The following MEIS1 variants were observed in gnomAD, a reference collection of about 807,000 sequenced individuals.
MEIS1 encodes the protein Meis homeobox 1, also known as homeobox protein Meis1.
Under a neutral mutation model 50.8 loss-of-function variants are expected in MEIS1, and 5 were observed. That is an observed-to-expected ratio of 0.10 (90% CI 0.05 to 0.21). The LOEUF is 0.21. MEIS1 is among the 10% of genes least tolerant of loss of function. The pLI, the probability that MEIS1 is intolerant of heterozygous loss-of-function variation, is 1.00. For missense variants in MEIS1, 318 were observed against 517.3 expected (o/e 0.61, Z 3.74); for synonymous variants, 176 against 179.3 (o/e 0.98, Z 0.15).
At chr2:66,530,653 T>C (rs1474635486) in intron 8 of MEIS1, among the ~76,000 whole-genome samples, 1 of 151,850 alleles carries the variant, frequency 6.6e-6, no homozygotes, top group African/African-American at 2.4e-5. Context: ...GAGGCGGAGC[T>C]TGCAGTGAGC....
intron 9 of MEIS1, among the ~76,000 whole-genome samples, chr2:66,559,562 T>C (rs1018101849): frequency 2.6e-5 from 4 of 152,226 alleles, no homozygotes; most frequent in Admixed American, 6.5e-5. Context: ...AAATGGTTCA[T>C]CTATTAAACT....
intron 7 of MEIS1, among the ~76,000 whole-genome samples, chr2:66,475,431 T>C (rs1333446973): frequency 6.6e-6 from 1 of 150,930 alleles, no homozygotes; most frequent in Non-Finnish European, 1.5e-5. Flanking sequence ...GTTTATAGTA[T>C]ACAATAGGAT....
intron 7 of MEIS1, among the ~76,000 whole-genome samples, chr2:66,489,552 T>G (rs894008245): frequency 2.0e-5 from 3 of 152,216 alleles, no homozygotes; most frequent in African/African-American, 7.2e-5. Flanking sequence ...GCTCTCAGGA[T>G]GTGGAATAAG....
In MEIS1 at chr2:66,553,902, C is replaced by T. The variant is rs11897073; in HGVS notation, c.965+5883C>T. Among the ~76,000 whole-genome samples the T allele has an allele frequency of 5.5e-3, 836 of 152,254 alleles. 4 individuals are homozygous for T. The highest frequency in any genetic ancestry group is 0.019 in the African/African-American group (799 of 41,552). On this transcript the variant is annotated intron_variant, in intron 9 of 12. Coordinates refer to ENST00000272369, the MANE Select transcript of MEIS1 (RefSeq NM_002398.3). ...CACTGTGCTGGCTGGAAAAACCCTG[C>T]CCCTTCCACCATGGGGCCCTAAGTC... is the stretch of plus-strand genomic sequence containing the variant.
chr2:66,435,290 GGAGAGAGAGGGAGAGAAAGAAAGA>G lies in MEIS1; in HGVS notation c.-557_-534del, dbSNP rs1002505654. The G allele has an allele frequency of 6.5e-6, 1 of 154,428 alleles. No homozygotes were observed. The highest frequency in any genetic ancestry group is 2.4e-5 in the African/African-American group (1 of 41,518). 9.6% of individuals were successfully genotyped at this position (154,428 alleles called of 1,614,324 possible). On this transcript the variant is annotated 5_prime_UTR_variant, in exon 1 of 13. Coordinates refer to ENST00000272369, the MANE Select transcript of MEIS1 (RefSeq NM_002398.3). ...CTTCCAGTGCAGCACTTGCAAAGAG[GGAGAGAGAGGGAGAGAAAGAAAGA>G]GAGAGAGAGAAGAGAGAAACTGATT...
intron 7 of MEIS1, chr2:66,508,984 G>GCTGCTGC (rs1673755544): frequency 4.2e-6 from 2 of 470,970 alleles, no homozygotes; most frequent in African/African-American, 2.0e-5. Flanking sequence ...GTGGTTCAGA[G>GCTGCTGC]CTGCTGCCTG....
At chr2:66,527,521 G>T (rs1328328619) in intron 8 of MEIS1, among the ~76,000 whole-genome samples, 1 of 151,902 alleles carries the variant, frequency 6.6e-6, no homozygotes, top group Non-Finnish European at 1.5e-5. Context: ...AGAGCTGGGG[G>T]CCCCTGTGTA....
At chr2:66,570,282 T>G (rs1675451682) in intron 12 of MEIS1, 1 of 152,220 alleles carries the variant, frequency 6.6e-6, no homozygotes, top group Non-Finnish European at 1.5e-5. Flanking sequence ...TAAATATTGT[T>G]TCTTAGTTTC....
rs149014771 is a variant in MEIS1, at chr2:66,443,167, A to C, written c.630+119A>C. ...ATATGATTAAGTCCCTTTTAGATACATTTCCATCGAAATGAAAATTTTTGA... is the reference window on the plus strand; with the variant it reads ...ATATGATTAAGTCCCTTTTAGATACCTTTCCATCGAAATGAAAATTTTTGA... On this transcript the variant is annotated intron_variant, in intron 6 of 12. Coordinates refer to ENST00000272369, the MANE Select transcript of MEIS1 (RefSeq NM_002398.3). 2.4e-4 allele frequency: 286 copies of C among 1,180,836 alleles called. 5 individuals carry two copies. In the East Asian group the frequency reaches 6.8e-3, roughly 28 times the overall value. 73.1% of individuals were successfully genotyped at this position (1,180,836 alleles called of 1,614,324 possible). A position where few individuals can be genotyped will look rare whatever the true frequency, so the allele number is the denominator to read the frequency against.
intron 9 of MEIS1, among the ~76,000 whole-genome samples, chr2:66,560,640 A>C (rs992509635): frequency 6.6e-6 from 1 of 152,002 alleles, no homozygotes; most frequent in Non-Finnish European, 1.5e-5. Context: ...TACCTTCCTC[A>C]ACTGTGGTAG....
chr2:66,447,545 A>G lies in MEIS1; in HGVS notation c.630+4497A>G, dbSNP rs566375362. Among the ~76,000 whole-genome samples, 101 of 152,346 alleles carry G rather than the reference A, an allele frequency of 6.6e-4. 1 individual carries two copies. In the Middle Eastern group the frequency reaches 0.01, roughly 15 times the overall value. ...ACTGGCTAATTGGGATGTTCATTCT[A>G]GGCCCTTTATTACATAGCACCCTTT... On this transcript the variant is annotated intron_variant, in intron 6 of 12. Transcript: ENST00000272369.
At chr2:66,534,808 A>G (rs1193596812) in intron 8 of MEIS1, among the ~76,000 whole-genome samples, 1 of 152,212 alleles carries the variant, frequency 6.6e-6, no homozygotes, top group East Asian at 1.9e-4. Context: ...TCAAAGAGGA[A>G]CAAACGAATC....
At chr2:66,496,963 A>G (rs1467052583) in intron 7 of MEIS1, among the ~76,000 whole-genome samples, 1 of 152,122 alleles carries the variant, frequency 6.6e-6, no homozygotes, top group African/African-American at 2.4e-5. Flanking sequence ...TTTTATATTT[A>G]ACTTTGACTA....
chr2:66,548,414 A>C (rs986528131), intron 9 of MEIS1, among the ~76,000 whole-genome samples: 2 of 152,338 alleles, frequency 1.3e-5, no homozygotes, highest in African/African-American at 4.8e-5. Context: ...AATTCATTGA[A>C]TAACTAAATT....
chr2:66,441,778 G>C, intron 5 of MEIS1: 1 of 322,744 alleles, frequency 3.1e-6, no homozygotes, highest in East Asian at 8.3e-5. Flanking sequence ...TGTTTCACAA[G>C]TTCATACCTC....
chr2:66,453,014 T>A (rs1299773559), intron 6 of MEIS1, among the ~76,000 whole-genome samples: 1 of 151,902 alleles, frequency 6.6e-6, no homozygotes, highest in Non-Finnish European at 1.5e-5. Flanking sequence ...AGTATAAACA[T>A]TTTTATTCTG....
chr2:66,514,361 A>C (rs1321212887), intron 8 of MEIS1, among the ~76,000 whole-genome samples: 2 of 152,212 alleles, frequency 1.3e-5, no homozygotes, highest in Non-Finnish European at 2.9e-5. Context: ...AAAAACCCAA[A>C]TAAACTTTCT....
intron 8 of MEIS1, among the ~76,000 whole-genome samples, chr2:66,541,330 C>T (rs181058001): frequency 1.3e-5 from 2 of 152,288 alleles, no homozygotes. Flanking sequence ...AGCCACCGCA[C>T]AGGCAGGGCA....
chr2:66,554,617 T>C (rs2103945736), intron 9 of MEIS1, among the ~76,000 whole-genome samples: 1 of 152,314 alleles, frequency 6.6e-6, no homozygotes, highest in Non-Finnish European at 1.5e-5. Context: ...GGCGACAGTG[T>C]CCTCTGGTTT....
Sources: gnomAD v4.1 joint callset for allele counts (sites outside exome capture counted in the v4.1 genomes callset) on GRCh38, gnomAD v4.1.1 for gene constraint, MANE v1.5 for transcripts, NCBI Gene and HGNC (gene_info 2026-07-23, HGNC 2026-07-21) for gene names.